Variants in BMP2K observed in about 807,000 individuals in gnomAD.
The protein encoded by BMP2K is BMP2 inducible kinase, also known as BMP-2-inducible protein kinase.
In BMP2K, 74 loss-of-function variants were observed where a neutral mutation model predicts 116.0. That is an observed-to-expected ratio of 0.64 (90% CI 0.53 to 0.77). The LOEUF (loss-of-function observed/expected upper bound fraction) is 0.77, where lower values mean the gene tolerates loss of function less well. Among genes scored for constraint, BMP2K ranks in the 30% least tolerant of loss-of-function variants. The pLI is 0.00. For missense variants in BMP2K, 1,365 were observed against 1,403.6 expected, an observed-to-expected ratio of 0.97 and a Z score of 0.44; for synonymous variants, 486 against 502.5, an observed-to-expected ratio of 0.97 and a Z score of 0.44.
rs200348191 is a variant in BMP2K at position 78,911,806 on chromosome 4, G to A, written c.3259G>A (p.Gly1087Ser). ...CCTGTCATGGCACCCTCCACATCAGGGCCTGAGCGACATCCGTGCTGATCA... is the reference window on the plus strand; with the variant it reads ...CCTGTCATGGCACCCTCCACATCAGAGCCTGAGCGACATCCGTGCTGATCA... ...PDLSWHPPHQ[G>S]LSDIRADHNT... Residue 1087 changes from glycine (G) to serine (S), a missense_variant, in exon 16 of 16, where the codon GGC (glycine) becomes AGC (serine). Coordinates refer to ENST00000502613, the MANE Select transcript of BMP2K (RefSeq NM_198892.2). The A allele has an allele frequency of 2.2e-5, 36 of 1,613,802 alleles. No individual in the cohort carries two copies. Among genetic ancestry groups the A allele is most frequent in the Middle Eastern group, 3.3e-4 (2 of 6,084 alleles).
At chr4:78,874,696 G>T (rs1340104742) in intron 13 of BMP2K, among the ~76,000 whole-genome samples, 4 of 152,276 alleles carry the variant, frequency 2.6e-5, no homozygotes, top group Non-Finnish European at 5.9e-5. Flanking sequence ...AGAATGGGAT[G>T]ATGAATTGGA....
At chr4:78,834,307 G>A (rs928118153) in intron 3 of BMP2K, among the ~76,000 whole-genome samples, 6 of 151,134 alleles carry the variant, frequency 4.0e-5, no homozygotes, top group African/African-American at 1.5e-4. Context: ...TGTCGCCCAG[G>A]CTAGAGTGCA....
intron 5 of BMP2K, among the ~76,000 whole-genome samples, chr4:78,845,828 T>A (rs1293858045): frequency 1.1e-4 from 16 of 151,664 alleles, no homozygotes; most frequent in Non-Finnish European, 1.5e-5. Context: ...CTGCAATATT[T>A]TGAAATAGTT....
At chr4:78,803,616 T>G (rs985122920) in intron 1 of BMP2K, among the ~76,000 whole-genome samples, 3 of 152,150 alleles carry the variant, frequency 2.0e-5, no homozygotes, top group African/African-American at 7.2e-5. Context: ...TGGCTTCCAG[T>G]GATCCACCCA....
At chr4:78,888,514 A>G (rs1733233271) in intron 15 of BMP2K, among the ~76,000 whole-genome samples, 1 of 152,196 alleles carries the variant, frequency 6.6e-6, no homozygotes, top group Non-Finnish European at 1.5e-5. Context: ...TAGGAATTGC[A>G]TTATCCTTTT....
In BMP2K at chr4:78,869,068, C is replaced by G. The variant is rs576359507; in HGVS notation, c.1232-1715C>G. On this transcript the variant is annotated intron_variant, in intron 10 of 15. Transcript: ENST00000502613. ...ACCCCACATTTCCCTTCTGCACTGC[C>G]CTAGCAGAGGTTCCCCATAAGGGCC... is the stretch of plus-strand genomic sequence containing the variant. Among the ~76,000 whole-genome samples the G allele has an allele frequency of 2.6e-5, 4 of 152,292 alleles. No homozygotes were observed. In the East Asian group the frequency reaches 7.7e-4, roughly 29 times the overall value.
At chr4:78,857,774 C>T (rs1158504556) in intron 7 of BMP2K, among the ~76,000 whole-genome samples, 1 of 152,034 alleles carries the variant, frequency 6.6e-6, no homozygotes, top group Non-Finnish European at 1.5e-5. Context: ...AGAATTTGCT[C>T]TCTAGCTTTC....
chr4:78,817,654 T>C (rs1296555052), intron 1 of BMP2K, among the ~76,000 whole-genome samples: 1 of 152,184 alleles, frequency 6.6e-6, no homozygotes, highest in Admixed American at 6.6e-5. Flanking sequence ...AGAAGCACGA[T>C]TGATTAAATC....
intron 3 of BMP2K, among the ~76,000 whole-genome samples, chr4:78,836,536 A>C (rs1225039988): frequency 6.6e-6 from 1 of 152,110 alleles, no homozygotes; most frequent in Non-Finnish European, 1.5e-5. Context: ...CATCCTGCTT[A>C]ATTTTGAACA....
intron 8 of BMP2K, among the ~76,000 whole-genome samples, chr4:78,860,960 C>T (rs1165315132): frequency 6.6e-6 from 1 of 151,674 alleles, no homozygotes; most frequent in Admixed American, 6.6e-5. Flanking sequence ...GGCCTTCTGC[C>T]CTCATTTTCC....
At chr4:78,868,788 A>T (rs1732187868) in intron 10 of BMP2K, among the ~76,000 whole-genome samples, 1 of 152,220 alleles carries the variant, frequency 6.6e-6, no homozygotes, top group Non-Finnish European at 1.5e-5. Context: ...CTGTGACTCC[A>T]GGTCTCACAT....
At position 78,807,314 on chromosome 4, in the gene BMP2K, CT is replaced by C. The variant is rs529799408; in HGVS notation, c.179-18716del. ...ATCTCACTTGGTCATGGAATGTAAT[CT>C]TTTTTTAATGTATGCTGGATTTGGT... On this transcript the variant is annotated intron_variant, in intron 1 of 15. Transcript: ENST00000502613. Among the ~76,000 whole-genome samples the C allele has an allele frequency of 6.0e-3, 912 of 152,010 alleles. 11 individuals carry two copies. The highest frequency in any genetic ancestry group is 0.02 in the African/African-American group (823 of 41,444).
At chr4:78,888,279 A>G (rs572539399) in intron 15 of BMP2K, 1 of 152,362 alleles carries the variant, frequency 6.6e-6, no homozygotes, top group South Asian at 2.1e-4. Context: ...CATAAATGAC[A>G]TAATTAACTG....
At chr4:78,812,814 C>G (rs1332452055) in intron 1 of BMP2K, among the ~76,000 whole-genome samples, 2 of 152,174 alleles carry the variant, frequency 1.3e-5, no homozygotes, top group Non-Finnish European at 2.9e-5. Flanking sequence ...AGGAGGATCA[C>G]TTGAGCCTAG....
chr4:78,782,957 T>C (rs1386798531), intron 1 of BMP2K, among the ~76,000 whole-genome samples: 1 of 152,188 alleles, frequency 6.6e-6, no homozygotes, highest in Non-Finnish European at 1.5e-5. Flanking sequence ...TAATATCTAT[T>C]ATGAAGATTA....
At chr4:78,812,328 A>C (rs1729133606) in intron 1 of BMP2K, among the ~76,000 whole-genome samples, 1 of 152,204 alleles carries the variant, frequency 6.6e-6, no homozygotes, top group Non-Finnish European at 1.5e-5. Context: ...TCTCAGCTAT[A>C]AATGATGATA....
intron 15 of BMP2K, among the ~76,000 whole-genome samples, chr4:78,890,035 C>T (rs563953551): frequency 2.0e-5 from 3 of 152,108 alleles, no homozygotes; most frequent in Non-Finnish European, 4.4e-5. Context: ...AACTTTTAAC[C>T]TCAACTTTGA....
intron 2 of BMP2K, 81 bp from the exon 3 acceptor site, chr4:78,833,501 T>G: frequency 1.1e-6 from 1 of 919,756 alleles, no homozygotes; most frequent in East Asian, 2.6e-5. Flanking sequence ...ATTCTTTACA[T>G]TAATTTAGGC....
chr4:78,827,727 G>A (rs1285131006), intron 2 of BMP2K, among the ~76,000 whole-genome samples: 1 of 152,064 alleles, frequency 6.6e-6, no homozygotes, highest in Non-Finnish European at 1.5e-5. Context: ...AAACACAGGG[G>A]CTTCCACCAC....
Sources: gnomAD v4.1 joint callset for allele counts (sites outside exome capture counted in the v4.1 genomes callset) on GRCh38, gnomAD v4.1.1 for gene constraint, MANE v1.5 for transcripts, NCBI Gene and HGNC (gene_info 2026-07-23, HGNC 2026-07-21) for gene names.